ACP6: variants seen among roughly 807,000 people sequenced by gnomAD.
The protein encoded by ACP6 is acid phosphatase 6, lysophosphatidic, also known as lysophosphatidic acid phosphatase type 6.
In ACP6, 48 loss-of-function variants were observed where a neutral mutation model predicts 48.1. That is an observed-to-expected ratio of 1.00 (90% confidence interval 0.79 to 1.27). The LOEUF is 1.27. Among genes scored for constraint, ACP6 ranks in the 50% most tolerant of loss-of-function variants. The pLI, the probability that ACP6 is intolerant of heterozygous loss-of-function variation, is 0.00. For synonymous variants in ACP6, 172 were observed against 204.2 expected (o/e 0.84, Z 1.34); for missense variants, 485 against 529.1 (o/e 0.92, Z 0.82).
Position 147,645,497 on chromosome 1 carries a change from A to G in ACP6, c.*1926T>C, listed in dbSNP as rs1358030533. The stretch of plus-strand genomic sequence containing the variant: ...CACCCCAACACTTACGGATTAGAAA[A>G]AGGTAGATTCAGCAGGAACAAAGTC... On this transcript the variant is annotated 3_prime_UTR_variant, in exon 10 of 10. Coordinates refer to ENST00000583509, the MANE Select transcript of ACP6 (RefSeq NM_016361.5). 1.3e-5 allele frequency: 2 copies of G among 152,260 alleles called. No individual in the cohort carries two copies. Among genetic ancestry groups the G allele is most frequent in the African/African-American group, 4.8e-5 (2 of 41,460 alleles). 9.4% of individuals were successfully genotyped at this position (152,260 alleles called of 1,614,324 possible).
At chr1:147,659,371 C>G (rs781814372) in intron 3 of ACP6, 25 bp downstream of exon 3, 1 of 1,610,790 alleles carries the variant, frequency 6.2e-7, no homozygotes, top group Non-Finnish European at 8.5e-7. Flanking sequence ...AAATTAAGTG[C>G]AACATCCCCT....
In ACP6 at chr1:147,644,687, T is replaced by G. The variant is rs1408182257; in HGVS notation, c.*2736A>C. On this transcript the variant is annotated 3_prime_UTR_variant, in exon 10 of 10. Transcript: ENST00000583509. Reference sequence around the variant, plus strand: ...TTACTGATGTAGTAGAGGTAGGATATGAGAAAAAGAGGGGAGTCAAGGGCA... The same window carrying G: ...TTACTGATGTAGTAGAGGTAGGATAGGAGAAAAAGAGGGGAGTCAAGGGCA... 1 of 152,142 alleles carries G rather than the reference T, an allele frequency of 6.6e-6. No homozygotes were observed. Among genetic ancestry groups the G allele is most frequent in the Non-Finnish European group, 1.5e-5 (1 of 68,044 alleles). 9.4% of individuals were successfully genotyped at this position (152,142 alleles called of 1,614,324 possible). A position where few individuals can be genotyped will look rare whatever the true frequency, so the allele number is the denominator to read the frequency against.
rs2148901749 is a variant in ACP6 at position 147,646,974 on chromosome 1, G to A, written c.*449C>T. Reference sequence around the variant, plus strand: ...AATAGCCCCTCAAATACCTATTACAGCATAAAACATACAGCACTGTATCAC... The same window carrying A: ...AATAGCCCCTCAAATACCTATTACAACATAAAACATACAGCACTGTATCAC... On this transcript the variant is annotated 3_prime_UTR_variant, in exon 10 of 10. Transcript: ENST00000583509. 1 of 159,384 alleles carries A rather than the reference G, an allele frequency of 6.3e-6. No individual in the cohort carries two copies. Among genetic ancestry groups the A allele is most frequent in the Non-Finnish European group, 1.4e-5 (1 of 72,258 alleles). 9.9% of individuals were successfully genotyped at this position (159,384 alleles called of 1,614,324 possible).
rs1038141178 is a variant in ACP6 at position 147,659,125 on chromosome 1, T to C, written c.480-86A>G. ...TTTTATTCCACATACGCTCCAGGGG[T>C]CTTTCAAGAGTACATAAGGAGAGCT... On this transcript the variant is annotated intron_variant, in intron 3 of 9. Transcript: ENST00000583509. 1.2e-5 allele frequency: 15 copies of C among 1,286,496 alleles called. No individual in the cohort carries two copies. The East Asian group carries it at 3.7e-4, about 32-fold the overall frequency. 79.7% of individuals were successfully genotyped at this position (1,286,496 alleles called of 1,614,324 possible). A position where few individuals can be genotyped will look rare whatever the true frequency, so the allele number is the denominator to read the frequency against.
At chr1:147,652,747 G>T in intron 6 of ACP6, 198 bp from the exon 7 acceptor site, 1 of 739,504 alleles carries the variant, frequency 1.4e-6, no homozygotes, top group African/African-American at 4.7e-5. Flanking sequence ...GATACCTGAA[G>T]GCCAGGAAAA....
intron 1 of ACP6, among the ~76,000 whole-genome samples, chr1:147,666,156 C>T (rs782386104): frequency 3.3e-5 from 5 of 152,196 alleles, no homozygotes; most frequent in Non-Finnish European, 5.9e-5. Context: ...CTGACTTTTA[C>T]ATAAAGAAAC....
At chr1:147,653,137 G>T (rs587623872) in intron 6 of ACP6, among the ~76,000 whole-genome samples, 192 of 148,894 alleles carry the variant, frequency 1.3e-3, no homozygotes, top group African/African-American at 4.1e-3. Flanking sequence ...TGTTTTACTG[G>T]TTTTTTTTTT....
At chr1:147,662,289 A>C (rs1180341393) in intron 1 of ACP6, among the ~76,000 whole-genome samples, 4 of 151,998 alleles carry the variant, frequency 2.6e-5, no homozygotes, top group Admixed American at 1.3e-4. Flanking sequence ...AGTAATTTTG[A>C]CTTTCAAGTC....
intron 9 of ACP6, chr1:147,647,807 T>C (rs1384113089): frequency 1.7e-6 from 1 of 591,450 alleles, no homozygotes; most frequent in Non-Finnish European, 2.9e-6. Flanking sequence ...ATCCCCGAGC[T>C]GGGAGAACCA....
chr1:147,651,972 G>A (rs1346717659), intron 7 of ACP6: 1 of 153,770 alleles, frequency 6.5e-6, no homozygotes, highest in Non-Finnish European at 1.4e-5. Flanking sequence ...CTGGGTCCAA[G>A]TTCTGGCTCC....
intron 7 of ACP6, 200 bp from the exon 8 acceptor site, chr1:147,650,438 A>G: frequency 5.9e-6 from 3 of 507,424 alleles, no homozygotes; most frequent in Non-Finnish European, 1.0e-5. Context: ...AAGACTCCCA[A>G]CAACACAGGC....
intron 5 of ACP6, among the ~76,000 whole-genome samples, chr1:147,632,543 T>A (rs1570935697): frequency 2.0e-5 from 3 of 151,004 alleles, no homozygotes; most frequent in Middle Eastern, 6.8e-3. Context: ...AATGGACGGA[T>A]AAAGAAAAGC....
chr1:147,660,077 T>C (rs1326206982), intron 1 of ACP6, among the ~76,000 whole-genome samples: 2 of 152,212 alleles, frequency 1.3e-5, no homozygotes, highest in African/African-American at 4.8e-5. Flanking sequence ...ATGCCTGGCA[T>C]GCGGATACGT....
At chr1:147,636,793 C>T (rs1297861311) in intron 5 of ACP6, among the ~76,000 whole-genome samples, 2 of 152,214 alleles carry the variant, frequency 1.3e-5, no homozygotes, top group African/African-American at 4.8e-5. Flanking sequence ...ACAAGATACA[C>T]CAGCTGGGCA....
intron 1 of ACP6, among the ~76,000 whole-genome samples, chr1:147,660,181 A>G (rs1553212518): frequency 6.6e-6 from 1 of 152,236 alleles, no homozygotes; most frequent in East Asian, 1.9e-4. Flanking sequence ...TATATGCCCT[A>G]TCCCAGCTTA....
At position 147,643,584 on chromosome 1, in the gene ACP6, T is replaced by G. The variant is rs1179609143; in HGVS notation, c.*3839A>C. ...GGAACAACAGGTGCTCACCCCGAGGTGAGGACATGGCTCAGGACTACTTGG... is the reference window on the plus strand; with the variant it reads ...GGAACAACAGGTGCTCACCCCGAGGGGAGGACATGGCTCAGGACTACTTGG... On this transcript the variant is annotated 3_prime_UTR_variant, in exon 10 of 10. Transcript: ENST00000583509. 2 of 152,056 alleles carry G rather than the reference T, an allele frequency of 1.3e-5. No individual in the cohort carries two copies. Among genetic ancestry groups the G allele is most frequent in the African/African-American group, 4.8e-5 (2 of 41,362 alleles). 9.4% of individuals were successfully genotyped at this position (152,056 alleles called of 1,614,324 possible). A position where few individuals can be genotyped will look rare whatever the true frequency, so the allele number is the denominator to read the frequency against.
intron 1 of ACP6, among the ~76,000 whole-genome samples, chr1:147,667,439 A>G (rs1660855151): frequency 6.6e-6 from 1 of 151,890 alleles, no homozygotes; most frequent in African/African-American, 2.4e-5. Flanking sequence ...GCTGATCTCG[A>G]ACTCCTGACC....
rs1462889736 is a variant in ACP6 at position 147,646,963 on chromosome 1, T to C, written c.*460A>G. The C allele has an allele frequency of 1.3e-5, 2 of 155,570 alleles. No individual in the cohort carries two copies. The highest frequency in any genetic ancestry group is 4.8e-5 in the African/African-American group (2 of 41,442). 9.6% of individuals were successfully genotyped at this position (155,570 alleles called of 1,614,324 possible). A position where few individuals can be genotyped will look rare whatever the true frequency, so the allele number is the denominator to read the frequency against. On this transcript the variant is annotated 3_prime_UTR_variant, in exon 10 of 10. Coordinates refer to ENST00000583509, the MANE Select transcript of ACP6 (RefSeq NM_016361.5). The stretch of plus-strand genomic sequence containing the variant: ...CTCTATACCCAAATAGCCCCTCAAA[T>C]ACCTATTACAGCATAAAACATACAG...
At chr1:147,634,427 A>T (rs1282318060) in intron 5 of ACP6, among the ~76,000 whole-genome samples, 1 of 83,188 alleles carries the variant, frequency 1.2e-5, no homozygotes, top group Non-Finnish European at 2.3e-5. Flanking sequence ...GTGTCCTTTG[A>T]TGCCTAAAAG....
Sources: gnomAD v4.1 joint callset for allele counts (sites outside exome capture counted in the v4.1 genomes callset) on GRCh38, gnomAD v4.1.1 for gene constraint, MANE v1.5 for transcripts, NCBI Gene and HGNC (gene_info 2026-07-23, HGNC 2026-07-21) for gene names.